EFCAB5: variants seen among roughly 807,000 people sequenced by gnomAD.
The protein encoded by EFCAB5 is EF-hand calcium binding domain 5.
EFCAB5 carries 131 observed loss-of-function variants against 167.9 expected under a neutral mutation model. The observed-to-expected ratio is 0.78, with a 90% CI of 0.68 to 0.90. The LOEUF (loss-of-function observed/expected upper bound fraction) is 0.90. Among genes scored for constraint, EFCAB5 ranks in the 40% least tolerant of loss-of-function variants. The probability of loss-of-function intolerance (pLI) is 0.00; values close to 1 mark genes in which losing one functional copy is unlikely to be tolerated. For synonymous variants in EFCAB5, 574 were observed against 602.8 expected (o/e 0.95, Z 0.70); for missense variants, 1,663 against 1,745.2 (o/e 0.95, Z 0.84).
chr17:30,004,115 C>G (rs1466329024), intron 7 of EFCAB5, among the ~76,000 whole-genome samples: 1 of 152,220 alleles, frequency 6.6e-6, no homozygotes, highest in Non-Finnish European at 1.5e-5. Context: ...CTGGCTTCTC[C>G]CCTCTCATAA....
intron 1 of EFCAB5, among the ~76,000 whole-genome samples, chr17:29,931,655 A>G (rs2067197486): frequency 6.6e-6 from 1 of 152,252 alleles, no homozygotes; most frequent in Non-Finnish European, 1.5e-5. Flanking sequence ...AGAGAAGGCA[A>G]GTTTCAGAAG....
At chr17:30,007,844 A>T (rs911077966) in intron 7 of EFCAB5, among the ~76,000 whole-genome samples, 1 of 152,120 alleles carries the variant, frequency 6.6e-6, no homozygotes, top group Non-Finnish European at 1.5e-5. Context: ...AAACATAGCC[A>T]GGCATGGTGG....
chr17:30,083,010 C>A lies in EFCAB5; in HGVS notation c.3546C>A (p.Ile1182=). Residue 1182 remains isoleucine, a synonymous_variant, in exon 18 of 23, where the codon ATC becomes ATA. Transcript: ENST00000394835. ...ACGTCACATCCAGCATCACCTCCATCACTACGTACTTTGTAGAGCCTAGCC... is the reference window on the plus strand; with the variant it reads ...ACGTCACATCCAGCATCACCTCCATAACTACGTACTTTGTAGAGCCTAGCC... ...LYDVTSSITS[I]TTYFVEPSPA... 3 of 1,614,024 alleles carry A rather than the reference C, an allele frequency of 1.9e-6. No homozygotes were observed.
chr17:30,088,456 A>C (rs1208077954), intron 19 of EFCAB5, among the ~76,000 whole-genome samples: 1 of 152,184 alleles, frequency 6.6e-6, no homozygotes, highest in Non-Finnish European at 1.5e-5. Context: ...ACAAAAGCCC[A>C]CCATGATTAT....
Position 29,966,601 on chromosome 17 carries a change from G to A in EFCAB5, c.191-2190G>A, listed in dbSNP as rs144697740. On this transcript the variant is annotated intron_variant, in intron 3 of 22. Coordinates refer to ENST00000394835, the MANE Select transcript of EFCAB5 (RefSeq NM_198529.4). ...TATGGGTATATGGTGTCAACATGAT[G>A]TGTTACTGTTGATGTTAATAATGAT... Among the ~76,000 whole-genome samples, 286 of 152,312 alleles carry A rather than the reference G, an allele frequency of 1.9e-3. 1 individual carries two copies. Among genetic ancestry groups the A allele is most frequent in the African/African-American group, 6.4e-3 (268 of 41,558 alleles).
chr17:30,081,061 C>A, intron 17 of EFCAB5, 80 bp downstream of exon 17: 1 of 1,095,250 alleles, frequency 9.1e-7, no homozygotes, highest in Non-Finnish European at 1.3e-6. Context: ...ACCTGAAATC[C>A]GATGAGAGTA....
intron 3 of EFCAB5, among the ~76,000 whole-genome samples, chr17:29,957,396 A>G (rs1013256059): frequency 1.2e-4 from 18 of 152,056 alleles, no homozygotes; most frequent in Admixed American, 6.5e-5. Flanking sequence ...AACATGTGCT[A>G]TGGTTGTTTG....
chr17:30,057,527 A>G, intron 12 of EFCAB5, 149 bp from the exon 13 acceptor site: 1 of 667,168 alleles, frequency 1.5e-6, no homozygotes, highest in Non-Finnish European at 2.5e-6. Context: ...GTTTTTCCAA[A>G]GAAAAAAGGA....
chr17:30,052,953 G>A (rs1461515009), intron 9 of EFCAB5, among the ~76,000 whole-genome samples: 2 of 152,282 alleles, frequency 1.3e-5, no homozygotes, highest in Admixed American at 1.3e-4. Flanking sequence ...CAAAGGTAGA[G>A]GACAAATTCT....
At chr17:30,048,518 A>G (rs2069991866) in intron 8 of EFCAB5, among the ~76,000 whole-genome samples, 1 of 150,130 alleles carries the variant, frequency 6.7e-6, no homozygotes. Context: ...TTTGTGAGAC[A>G]GAGTCTCACC....
At chr17:30,036,568 T>A (rs992377246) in intron 8 of EFCAB5, among the ~76,000 whole-genome samples, 1 of 151,502 alleles carries the variant, frequency 6.6e-6, no homozygotes, top group African/African-American at 2.4e-5. Flanking sequence ...TAGCTAAGAC[T>A]ACAGGCATGT....
intron 1 of EFCAB5, among the ~76,000 whole-genome samples, chr17:29,932,612 C>T (rs1053447816): frequency 2.0e-5 from 3 of 151,930 alleles, no homozygotes; most frequent in Admixed American, 6.6e-5. Flanking sequence ...TGTGCCACCA[C>T]GCCCGGCTAA....
At chr17:29,938,638 A>G (rs1354641941), upstream of EFCAB5, among the ~76,000 whole-genome samples, 1 of 152,188 alleles carries the variant, frequency 6.6e-6, no homozygotes, top group Non-Finnish European at 1.5e-5. Context: ...CTTTGTTGTC[A>G]TTTCAATGAT....
chr17:30,069,569 T>C, intron 14 of EFCAB5: 3 of 1,613,316 alleles, frequency 1.9e-6, no homozygotes, highest in South Asian at 2.2e-5. Flanking sequence ...CTTCCGCGTA[T>C]GGATCCTCTT....
At chr17:30,005,951 G>A (rs2068765488) in intron 7 of EFCAB5, among the ~76,000 whole-genome samples, 1 of 152,148 alleles carries the variant, frequency 6.6e-6, no homozygotes, top group Non-Finnish European at 1.5e-5. Context: ...TTAAACAATT[G>A]CAAATTAAAT....
chr17:30,064,986 G>A (rs2070523340), intron 14 of EFCAB5, among the ~76,000 whole-genome samples: 1 of 152,116 alleles, frequency 6.6e-6, no homozygotes, highest in African/African-American at 2.4e-5. Flanking sequence ...AGAAATGAGA[G>A]AACAATAAAG....
chr17:30,021,089 G>C (rs192294266), intron 7 of EFCAB5, among the ~76,000 whole-genome samples: 1 of 151,590 alleles, frequency 6.6e-6, no homozygotes, highest in East Asian at 1.9e-4. Context: ...CATGTAAAAA[G>C]ACATAAAGGT....
At chr17:29,930,202 G>A (rs2151500105) in intron 1 of EFCAB5, 2 of 562,510 alleles carry the variant, frequency 3.6e-6, no homozygotes, top group South Asian at 2.2e-5. Context: ...GCGGCGGGCG[G>A]GCGGTTCCGC....
chr17:29,978,183 C>A (rs2068099830), intron 4 of EFCAB5, among the ~76,000 whole-genome samples: 1 of 152,092 alleles, frequency 6.6e-6, no homozygotes, highest in African/African-American at 2.4e-5. Flanking sequence ...CTAGGAAAAC[C>A]CACAGGTGCT....
Sources: gnomAD v4.1 joint callset for allele counts (sites outside exome capture counted in the v4.1 genomes callset) on GRCh38, gnomAD v4.1.1 for gene constraint, MANE v1.5 for transcripts, NCBI Gene and HGNC (gene_info 2026-07-23, HGNC 2026-07-21) for gene names.